The following MYO6 variants were observed in gnomAD, a reference collection of about 807,000 sequenced individuals.
MYO6 encodes unconventional myosin-VI.
A neutral mutation model predicts 178.7 loss-of-function variants in MYO6; 74 were observed. The observed-to-expected ratio is 0.41, with a 90% confidence interval of 0.34 to 0.50. MYO6 has a LOEUF of 0.50. MYO6 is among the 20% of genes least tolerant of loss of function. The pLI is 0.09. For synonymous variants in MYO6, 477 were observed against 504.6 expected, an observed-to-expected ratio of 0.95 and a Z score of 0.73; for missense variants, 1,330 against 1,547.4, an observed-to-expected ratio of 0.86 and a Z score of 2.36.
intron 1 of MYO6, among the ~76,000 whole-genome samples, chr6:75,784,473 G>A (rs372700861): frequency 2.0e-5 from 3 of 151,916 alleles, no homozygotes; most frequent in African/African-American, 4.8e-5. Context: ...ATGGAGAAGA[G>A]CAAAGTGAAA....
At chr6:75,822,349 C>T (rs1029605668) in intron 2 of MYO6, among the ~76,000 whole-genome samples, 39 of 152,126 alleles carry the variant, frequency 2.6e-4, no homozygotes, top group African/African-American at 8.9e-4. Context: ...CCACCCGCCT[C>T]GGCCTCCCAA....
chr6:75,897,935 A>T (rs2149386789), intron 29 of MYO6, among the ~76,000 whole-genome samples: 1 of 152,342 alleles, frequency 6.6e-6, no homozygotes, highest in Non-Finnish European at 1.5e-5. Context: ...TAAAACTCTG[A>T]CGCTGTCAAA....
intron 1 of MYO6, among the ~76,000 whole-genome samples, chr6:75,794,871 C>G (rs1310480555): frequency 6.6e-6 from 1 of 152,060 alleles, no homozygotes; most frequent in African/African-American, 2.4e-5. Flanking sequence ...AATACTACTT[C>G]ATTGTGAACA....
chr6:75,841,809 G>C (rs1009925056), intron 9 of MYO6, among the ~76,000 whole-genome samples: 2 of 152,188 alleles, frequency 1.3e-5, no homozygotes, highest in Non-Finnish European at 1.5e-5. Context: ...ATTGGATCAA[G>C]TATAACATGT....
intron 20 of MYO6, among the ~76,000 whole-genome samples, chr6:75,874,569 G>A (rs1163085523): frequency 6.6e-6 from 1 of 152,144 alleles, no homozygotes; most frequent in Non-Finnish European, 1.5e-5. Context: ...GAGAAAGTAG[G>A]GGTTGCCTCT....
intron 7 of MYO6, among the ~76,000 whole-genome samples, chr6:75,840,342 T>C (rs926870629): frequency 3.3e-5 from 5 of 152,010 alleles, no homozygotes; most frequent in African/African-American, 7.2e-5. Context: ...TTGTATTTTT[T>C]AGTAGAGACG....
intron 20 of MYO6, among the ~76,000 whole-genome samples, chr6:75,878,876 C>T (rs1777776151): frequency 6.6e-6 from 1 of 152,196 alleles, no homozygotes; most frequent in Non-Finnish European, 1.5e-5. Context: ...GCCTATCTCA[C>T]ACTTTTTCTG....
intron 1 of MYO6, among the ~76,000 whole-genome samples, chr6:75,800,918 C>G (rs1315712599): frequency 2.6e-5 from 4 of 152,084 alleles, no homozygotes; most frequent in Non-Finnish European, 5.9e-5. Context: ...ATGGGATTTC[C>G]CCATGTTGGC....
At chr6:75,872,750 T>C (rs568875574) in intron 19 of MYO6, among the ~76,000 whole-genome samples, 1 of 152,226 alleles carries the variant, frequency 6.6e-6, no homozygotes, top group East Asian at 1.9e-4. Context: ...CATTGTAAGC[T>C]TTAAAGCAGA....
At chr6:75,866,865 A>G in intron 17 of MYO6, 67 bp from the exon 18 acceptor site, 3 of 1,531,678 alleles carry the variant, frequency 2.0e-6, no homozygotes, top group Non-Finnish European at 2.7e-6. Context: ...GTTCCTTTGG[A>G]CAGAGCCATG....
At chr6:75,757,412 TAGAGAC>T (rs1277967715) in intron 1 of MYO6, among the ~76,000 whole-genome samples, 3 of 150,026 alleles carry the variant, frequency 2.0e-5, no homozygotes, top group African/African-American at 7.4e-5. Context: ...CACACACACA[TAGAGAC>T]AGACTTCTGA....
intron 1 of MYO6, among the ~76,000 whole-genome samples, chr6:75,769,400 G>T (rs1778720631): frequency 1.3e-5 from 2 of 152,206 alleles, no homozygotes; most frequent in African/African-American, 2.4e-5. Flanking sequence ...GAGGGTACAG[G>T]CTTTGGGTAA....
At chr6:75,780,728 A>G (rs1385903424) in intron 1 of MYO6, among the ~76,000 whole-genome samples, 1 of 152,144 alleles carries the variant, frequency 6.6e-6, no homozygotes, top group East Asian at 1.9e-4. Context: ...TCTATATGAT[A>G]TACTATGTTA....
Position 75,908,601 on chromosome 6 carries a change from G to A in MYO6, c.3386G>A (p.Arg1129His), listed in dbSNP as rs779885818. 1.1e-5 allele frequency: 17 copies of A among 1,613,422 alleles called. No individual in the cohort carries two copies. Among genetic ancestry groups the A allele is most frequent in the South Asian group, 3.3e-5 (3 of 91,060 alleles). The change falls in exon 32 of 35, where the codon CGT (arginine) becomes CAT (histidine). Residue 1129 changes from arginine to histidine, a missense_variant. By Grantham distance (29) the Arg-to-His change is conservative. Coordinates refer to ENST00000369977, the MANE Select transcript of MYO6 (RefSeq NM_004999.4). ...AAGAGAAATACTGAAACAGAGCAAC[G>A]TGCTCCAAAGTCTGTTACTGATTAT... ...NKKRNTETEQ[R>H]APKSVTDYDF...
At chr6:75,767,662 G>A (rs1778554839) in intron 1 of MYO6, among the ~76,000 whole-genome samples, 1 of 151,498 alleles carries the variant, frequency 6.6e-6, no homozygotes, top group South Asian at 2.1e-4. Context: ...GAGACTACAG[G>A]TGCGCACCAC....
intron 1 of MYO6, among the ~76,000 whole-genome samples, chr6:75,774,092 C>A (rs1248997636): frequency 2.0e-5 from 3 of 152,156 alleles, no homozygotes; most frequent in Non-Finnish European, 4.4e-5. Context: ...TACTGTAACA[C>A]CTTGCTATAG....
At chr6:75,785,523 C>G (rs1219863525) in intron 1 of MYO6, among the ~76,000 whole-genome samples, 1 of 144,824 alleles carries the variant, frequency 6.9e-6, no homozygotes, top group African/African-American at 2.6e-5. Context: ...CCACACCAGA[C>G]TGCAGTGGCT....
At chr6:75,752,990 G>A (rs539752900) in intron 1 of MYO6, among the ~76,000 whole-genome samples, 2 of 152,186 alleles carry the variant, frequency 1.3e-5, no homozygotes, top group South Asian at 2.1e-4. Context: ...TGAGAGGGGG[G>A]ACTCGTTTTT....
chr6:75,819,794 C>A (rs1771692750), intron 2 of MYO6, among the ~76,000 whole-genome samples: 1 of 152,180 alleles, frequency 6.6e-6, no homozygotes, highest in Admixed American at 6.5e-5. Flanking sequence ...TGGCTCATGC[C>A]TGTAATCCTA....
Sources: allele counts gnomAD v4.1 joint callset (sites outside exome capture counted in the v4.1 genomes callset), GRCh38; gene constraint gnomAD v4.1.1; transcripts MANE v1.5; gene names NCBI Gene and HGNC (gene_info 2026-07-23, HGNC 2026-07-21).